The following DKK2 variants were observed in gnomAD, a reference collection of about 807,000 sequenced individuals.
DKK2 encodes the protein dickkopf-related protein 2.
DKK2 carries 11 observed loss-of-function variants against 28.1 expected under a neutral mutation model. The observed-to-expected ratio is 0.39, with a 90% CI of 0.25 to 0.65. The LOEUF is 0.65. Among genes scored for constraint, DKK2 ranks in the 30% least tolerant of loss-of-function variants. The pLI is 0.47. For missense variants in DKK2, 326 were observed against 335.5 expected (o/e 0.97, Z 0.22); for synonymous variants, 135 against 126.5 (o/e 1.07, Z -0.45).
chr4:106,985,084 C>T (rs1304118289), intron 1 of DKK2, among the ~76,000 whole-genome samples: 1 of 152,020 alleles, frequency 6.6e-6, no homozygotes, highest in East Asian at 2.0e-4. Flanking sequence ...TGGCGGGCGC[C>T]TGTAGTCCCA....
intron 1 of DKK2, among the ~76,000 whole-genome samples, chr4:107,017,693 G>C (rs780685010): frequency 2.0e-5 from 3 of 149,064 alleles, no homozygotes; most frequent in South Asian, 4.2e-4. Context: ...TTTTTGGTGA[G>C]ACTGAAAGGA....
Position 106,924,185 on chromosome 4 carries a change from G to A in DKK2, c.549C>T (p.Cys183=). Residue 183 remains cysteine (C), a synonymous_variant, in exon 4 of 4, where the codon TGC becomes TGT. Transcript: ENST00000285311. ...SHIKGHEGDP[C]LRSSDCIEGF... is the part of the protein sequence containing the mutation. ...CTTCAATGCAGTCTGATGATCGTAG[G>A]CAGGGGTCTCCTTCATGCCCTGCAG... is the stretch of plus-strand genomic sequence containing the variant. 6.2e-7 allele frequency: 1 copy of A among 1,613,888 alleles called. No individual in the cohort carries two copies. The highest frequency in any genetic ancestry group is 8.5e-7 in the Non-Finnish European group (1 of 1,179,902).
intron 1 of DKK2, among the ~76,000 whole-genome samples, chr4:106,962,424 A>C (rs1432250016): frequency 1.3e-5 from 2 of 151,826 alleles, no homozygotes; most frequent in East Asian, 3.9e-4. Flanking sequence ...ACTGATTTTC[A>C]ATAAAGGTGC....
intron 1 of DKK2, 130 bp from the exon 2 acceptor site, chr4:106,926,079 C>A: frequency 1.0e-6 from 1 of 1,000,602 alleles, no homozygotes; most frequent in Non-Finnish European, 1.4e-6. Flanking sequence ...ATACCATCAT[C>A]ATAATGTTCT....
intron 1 of DKK2, among the ~76,000 whole-genome samples, chr4:106,930,148 C>T (rs867096962): frequency 6.6e-6 from 1 of 152,170 alleles, no homozygotes; most frequent in Non-Finnish European, 1.5e-5. Context: ...ATTTCTTGAG[C>T]ACAGTTTTCT....
chr4:106,992,929 T>C (rs1723224739), intron 1 of DKK2, among the ~76,000 whole-genome samples: 3 of 152,210 alleles, frequency 2.0e-5, no homozygotes, highest in Admixed American at 2.0e-4. Flanking sequence ...GTGTCTTCTG[T>C]GGAAGAAACA....
intron 1 of DKK2, among the ~76,000 whole-genome samples, chr4:107,024,069 T>C (rs188427285): frequency 1.4e-4 from 21 of 152,288 alleles, no homozygotes; most frequent in Admixed American, 1.2e-3. Context: ...TATGTGGTTT[T>C]GCACCAATAC....
chr4:106,976,579 T>C (rs970929895), intron 1 of DKK2, among the ~76,000 whole-genome samples: 14 of 152,336 alleles, frequency 9.2e-5, no homozygotes, highest in African/African-American at 3.1e-4. Context: ...TTTTTTTCTT[T>C]CCACTTGCTT....
chr4:106,988,482 T>C (rs1723157677), intron 1 of DKK2, among the ~76,000 whole-genome samples: 1 of 152,340 alleles, frequency 6.6e-6, no homozygotes, highest in South Asian at 2.1e-4. Flanking sequence ...TTGCATTAAA[T>C]AACGACCAAT....
chr4:106,982,803 C>A (rs1723044321), intron 1 of DKK2, among the ~76,000 whole-genome samples: 2 of 149,432 alleles, frequency 1.3e-5, no homozygotes, highest in Non-Finnish European at 1.5e-5. Flanking sequence ...TACTGAGAGG[C>A]TAAGGTGGGA....
At chr4:106,966,239 C>T (rs567485876) in intron 1 of DKK2, among the ~76,000 whole-genome samples, 6 of 152,192 alleles carry the variant, frequency 3.9e-5, no homozygotes, top group African/African-American at 1.4e-4. Context: ...GAATAACCAC[C>T]TCGTAATTTG....
chr4:106,992,611 GCTTTTA>G (rs1488658113), intron 1 of DKK2, among the ~76,000 whole-genome samples: 1 of 152,168 alleles, frequency 6.6e-6, no homozygotes, highest in African/African-American at 2.4e-5. Context: ...ACTTCTCAGA[GCTTTTA>G]CTAAGCCAAT....
chr4:106,970,808 G>T (rs1028291421), intron 1 of DKK2, among the ~76,000 whole-genome samples: 1 of 152,072 alleles, frequency 6.6e-6, no homozygotes, highest in South Asian at 2.1e-4. Flanking sequence ...TGAACCTAAA[G>T]AGGGGAAAAC....
intron 1 of DKK2, among the ~76,000 whole-genome samples, chr4:106,956,609 C>T (rs1208864719): frequency 6.6e-6 from 1 of 152,128 alleles, no homozygotes; most frequent in Non-Finnish European, 1.5e-5. Context: ...ATATCTATAA[C>T]TATCTGATCT....
chr4:106,954,062 A>G (rs959344226), intron 1 of DKK2, among the ~76,000 whole-genome samples: 2 of 152,178 alleles, frequency 1.3e-5, no homozygotes, highest in African/African-American at 4.8e-5. Context: ...GTCAAATGAG[A>G]TAATATGTTA....
intron 1 of DKK2, among the ~76,000 whole-genome samples, chr4:106,998,417 C>T (rs930398747): frequency 6.6e-6 from 1 of 152,174 alleles, no homozygotes; most frequent in African/African-American, 2.4e-5. Context: ...GTATATTTAT[C>T]TATCTTCCTT....
At chr4:106,974,090 A>C (rs1467838742) in intron 1 of DKK2, among the ~76,000 whole-genome samples, 1 of 151,998 alleles carries the variant, frequency 6.6e-6, no homozygotes, top group Non-Finnish European at 1.5e-5. Flanking sequence ...GTTATGTTCC[A>C]TTGGTCTATA....
At chr4:106,983,292 AG>A (rs1440463468) in intron 1 of DKK2, among the ~76,000 whole-genome samples, 1 of 151,014 alleles carries the variant, frequency 6.6e-6, no homozygotes, top group African/African-American at 2.4e-5. Flanking sequence ...GAGAGAAGAA[AG>A]AAAAGAAAGG....
intron 1 of DKK2, among the ~76,000 whole-genome samples, chr4:107,032,395 T>A (rs1206749907): frequency 2.6e-5 from 4 of 152,098 alleles, no homozygotes; most frequent in Admixed American, 2.0e-4. Flanking sequence ...CCACCTTGCC[T>A]ATGGAACAAG....
Sources: allele counts gnomAD v4.1 joint callset (sites outside exome capture counted in the v4.1 genomes callset), GRCh38; gene constraint gnomAD v4.1.1; transcripts MANE v1.5; gene names NCBI Gene and HGNC (gene_info 2026-07-23, HGNC 2026-07-21).